SPIRE1: variants seen among roughly 807,000 people sequenced by gnomAD.
SPIRE1 encodes spire type actin nucleation factor 1.
In SPIRE1, 40 loss-of-function variants were observed where a neutral mutation model predicts 94.1. The observed-to-expected ratio is 0.43, with a 90% CI of 0.33 to 0.55. SPIRE1 has a LOEUF of 0.55. SPIRE1 is among the 20% of genes least tolerant of loss of function. The pLI is 0.06. For synonymous variants in SPIRE1, 376 were observed against 371.7 expected (o/e 1.01, Z -0.13); for missense variants, 838 against 975.2 (o/e 0.86, Z 1.87).
chr18:12,561,833 G>T (rs934358633), intron 2 of SPIRE1, among the ~76,000 whole-genome samples: 2 of 150,502 alleles, frequency 1.3e-5, no homozygotes, highest in African/African-American at 4.9e-5. Context: ...GGAAAAGAAA[G>T]ACTATTTATA....
Position 12,449,525 on chromosome 18 carries a change from A to C in SPIRE1, c.*113T>G. The stretch of plus-strand genomic sequence containing the variant: ...ATGTGATGCGGCAAAAATCTGATCT[A>C]ATGCAAATTCAAGCCCATTAAATAA... On this transcript the variant is annotated 3_prime_UTR_variant, in exon 17 of 17. Coordinates refer to ENST00000409402, the MANE Select transcript of SPIRE1 (RefSeq NM_001128626.2). 9.1e-7 allele frequency: 1 copy of C among 1,097,128 alleles called. No homozygotes were observed. Among genetic ancestry groups the C allele is most frequent in the Non-Finnish European group, 1.3e-6 (1 of 774,654 alleles). The allele number at this position is 1,097,128 out of a possible 1,614,324, so 68.0% of individuals were successfully genotyped here. A position where few individuals can be genotyped will look rare whatever the true frequency, so the allele number is the denominator to read the frequency against.
At chr18:12,593,902 T>C (rs1387089226) in intron 2 of SPIRE1, among the ~76,000 whole-genome samples, 1 of 151,498 alleles carries the variant, frequency 6.6e-6, no homozygotes. Context: ...CGGTTGAGAT[T>C]GCGCACCACT....
chr18:12,457,821 A>C (rs2031586593), intron 12 of SPIRE1, among the ~76,000 whole-genome samples: 1 of 151,086 alleles, frequency 6.6e-6, no homozygotes, highest in Non-Finnish European at 1.5e-5. Flanking sequence ...GAGAAATGGG[A>C]ATAGTCACCT....
At chr18:12,569,524 G>C (rs1239615165) in intron 2 of SPIRE1, among the ~76,000 whole-genome samples, 2 of 151,882 alleles carry the variant, frequency 1.3e-5, no homozygotes, top group African/African-American at 4.8e-5. Context: ...CCAGAAAAAT[G>C]ACTGAAACAT....
At chr18:12,601,047 C>G in intron 2 of SPIRE1, among the ~76,000 whole-genome samples, 1 of 152,088 alleles carries the variant, frequency 6.6e-6, no homozygotes, top group Non-Finnish European at 1.5e-5. Context: ...TTCTGATGCT[C>G]AAGTATTTCC....
intron 1 of SPIRE1, among the ~76,000 whole-genome samples, chr18:12,639,303 G>A (rs941218316): frequency 2.6e-5 from 4 of 152,096 alleles, no homozygotes; most frequent in African/African-American, 9.7e-5. Flanking sequence ...GGATTTGTAA[G>A]TTTTAGAGGG....
chr18:12,635,027 T>C (rs1047105264), intron 2 of SPIRE1, 35 bp downstream of exon 2: 42 of 1,322,702 alleles, frequency 3.2e-5, no homozygotes, highest in Admixed American at 6.1e-5. Flanking sequence ...ACTGCAAAGC[T>C]GCTTTACTAA....
At chr18:12,506,344 A>C in intron 6 of SPIRE1, 133 bp downstream of exon 6, 1 of 743,984 alleles carries the variant, frequency 1.3e-6, no homozygotes, top group South Asian at 1.7e-5. Flanking sequence ...TTTTTGGTAC[A>C]GACAGGGATT....
At chr18:12,525,993 C>CA (rs1298914949) in intron 4 of SPIRE1, among the ~76,000 whole-genome samples, 5 of 147,702 alleles carry the variant, frequency 3.4e-5, no homozygotes, top group African/African-American at 1.2e-4. Flanking sequence ...CAAAGGTTTC[C>CA]AGTAATACAT....
chr18:12,520,677 T>C lies in SPIRE1; in HGVS notation c.730-8146A>G, dbSNP rs569944290. Among the ~76,000 whole-genome samples, 18 of 152,306 alleles carry C rather than the reference T, an allele frequency of 1.2e-4. 1 individual carries two copies. The South Asian group carries it at 3.5e-3, about 30-fold the overall frequency. ...ACACTTACAAAAAGACATCTGGTGG[T>C]GGATTTTCTGTCAAAAAGTGGTATG... On this transcript the variant is annotated intron_variant, in intron 4 of 16. Transcript: ENST00000409402.
intron 4 of SPIRE1, among the ~76,000 whole-genome samples, chr18:12,516,977 T>A (rs1303291756): frequency 6.6e-6 from 1 of 152,214 alleles, no homozygotes; most frequent in Non-Finnish European, 1.5e-5. Flanking sequence ...TCCAAGAATT[T>A]CACATTTCTT....
chr18:12,563,206 TA>T (rs57756554), intron 2 of SPIRE1, among the ~76,000 whole-genome samples: 1,558 of 146,580 alleles, frequency 0.011, 33 homozygotes, highest in African/African-American at 0.035. Context: ...CTATACTCAT[TA>T]AAAAAAAAAA....
At chr18:12,469,929 T>A (rs554825604) in intron 10 of SPIRE1, among the ~76,000 whole-genome samples, 1 of 151,736 alleles carries the variant, frequency 6.6e-6, no homozygotes, top group East Asian at 1.9e-4. Context: ...AACATATTAA[T>A]TTTTATGTTC....
chr18:12,455,805 C>T (rs1011218464), intron 12 of SPIRE1, among the ~76,000 whole-genome samples: 3 of 152,206 alleles, frequency 2.0e-5, no homozygotes, highest in Non-Finnish European at 4.4e-5. Context: ...CGCTCACAGG[C>T]ACTCAGGAAT....
intron 9 of SPIRE1, among the ~76,000 whole-genome samples, chr18:12,481,647 G>C (rs1002853816): frequency 6.6e-6 from 1 of 152,030 alleles, no homozygotes; most frequent in African/African-American, 2.4e-5. Context: ...GACAACACAT[G>C]CATTTCTTTT....
chr18:12,471,566 C>T (rs955592651), intron 10 of SPIRE1, among the ~76,000 whole-genome samples: 2 of 151,676 alleles, frequency 1.3e-5, no homozygotes, highest in Admixed American at 6.6e-5. Flanking sequence ...TTAAGTGATC[C>T]GTCCGCCTCA....
intron 2 of SPIRE1, among the ~76,000 whole-genome samples, chr18:12,608,568 T>C (rs2037053017): frequency 6.6e-6 from 1 of 152,212 alleles, no homozygotes; most frequent in African/African-American, 2.4e-5. Context: ...GTAAAATTAC[T>C]AGATCAAACC....
chr18:12,549,592 C>T, intron 2 of SPIRE1, among the ~76,000 whole-genome samples: 1 of 151,360 alleles, frequency 6.6e-6, no homozygotes. Context: ...GCTGGGAGTA[C>T]AGGTGTGCAC....
intron 3 of SPIRE1, among the ~76,000 whole-genome samples, chr18:12,543,465 AGAACTTTG>A (rs1204376338): frequency 6.6e-6 from 1 of 152,326 alleles, no homozygotes; most frequent in East Asian, 1.9e-4. Context: ...ATTTAATGTT[AGAACTTTG>A]AAGATAGCAT....
Sources: allele counts gnomAD v4.1 joint callset (sites outside exome capture counted in the v4.1 genomes callset), GRCh38; gene constraint gnomAD v4.1.1; transcripts MANE v1.5; gene names NCBI Gene and HGNC (gene_info 2026-07-23, HGNC 2026-07-21).